The following NOTCH4 variants were observed in gnomAD, a reference collection of about 807,000 sequenced individuals.
NOTCH4 encodes notch receptor 4, also known as neurogenic locus notch homolog protein 4.
In NOTCH4, 138 loss-of-function variants were observed where a neutral mutation model predicts 189.0. The ratio of observed to expected loss-of-function variants is 0.73; its 90% CI spans 0.64 to 0.84. The LOEUF is 0.84. Among genes scored for constraint, NOTCH4 ranks in the 40% least tolerant of loss-of-function variants. The pLI is 0.00. For synonymous variants in NOTCH4, 942 were observed against 1,032.8 expected (o/e 0.91, Z 1.69); for missense variants, 2,286 against 2,605.4 (o/e 0.88, Z 2.67).
Position 32,215,387 on chromosome 6 carries a change from TG to T in NOTCH4, c.1862-3del. 1 of 1,603,668 alleles carries T rather than the reference TG, an allele frequency of 6.2e-7. No homozygotes were observed. Among genetic ancestry groups the T allele is most frequent in the Non-Finnish European group, 8.5e-7 (1 of 1,176,810 alleles). On this transcript the variant is annotated splice_polypyrimidine_tract_variant and splice_region_variant and intron_variant, in intron 11 of 29. Coordinates refer to ENST00000375023, the MANE Select transcript of NOTCH4 (RefSeq NM_004557.4). ...ACAGGGGAACCTCACAGAGCTGGCC[TG>T]GGGTGGGAAGATGGGTCAAAAAGAA...
At chr6:32,205,276 G>A (rs1170854514) in intron 18 of NOTCH4, among the ~76,000 whole-genome samples, 1 of 151,946 alleles carries the variant, frequency 6.6e-6, no homozygotes, top group Non-Finnish European at 1.5e-5. Flanking sequence ...ATAGCCGGGT[G>A]CGGTGGCTCA....
chr6:32,201,455 G>C lies in NOTCH4; in HGVS notation c.3801C>G (p.His1267Gln). The change falls in exon 22 of 30, where the codon CAC becomes CAG. Residue 1267 changes from histidine (H) to glutamine (Q), a missense_variant. Transcript: ENST00000375023. The surrounding 1 kb of genome is among the most constrained non-coding windows in gnomAD (Gnocchi z 5.5). The stretch of plus-strand genomic sequence containing the variant: ...CTGCAGTGTTGCAGCCTTTCTCACA[G>C]TGCCCGTTGTGGAAGTGATCATGGC... ...QYCHDHFHNGHCEKGCNTAEC... is the reference protein window; with the variant it reads ...QYCHDHFHNGQCEKGCNTAEC... 1.3e-5 allele frequency: 20 copies of C among 1,528,112 alleles called. No individual in the cohort carries two copies. Among genetic ancestry groups the C allele is most frequent in the Non-Finnish European group, 1.8e-5 (20 of 1,139,452 alleles). The allele number at this position is 1,528,112 out of a possible 1,614,324, so 94.7% of individuals were successfully genotyped here. A position where few individuals can be genotyped will look rare whatever the true frequency, so the allele number is the denominator to read the frequency against.
rs1789057735 is a variant in NOTCH4, at chr6:32,212,094, G to A, written c.2680+380C>T. 6.6e-6 allele frequency among the ~76,000 whole-genome samples: 1 copy of A among 152,066 alleles called. No individual in the cohort carries two copies. Among genetic ancestry groups the A allele is most frequent in the Non-Finnish European group, 1.5e-5 (1 of 68,022 alleles). The stretch of plus-strand genomic sequence containing the variant: ...TTTACAAAGAGGGTGGCGTGACATC[G>A]AAGTGAGTGGGGTGGGGTGAAATGC... On this transcript the variant is annotated intron_variant, in intron 17 of 29. Transcript: ENST00000375023. This position sits in a 1 kb window ranked among gnomAD's most constrained non-coding sequence, Gnocchi z 4.4.
chr6:32,214,484 T>TATATATATATATATATATACAC lies in NOTCH4; in HGVS notation c.2022-230_2022-229insGTGTATATATATATATATATAT, dbSNP rs28383875. On this transcript the variant is annotated intron_variant, in intron 12 of 29. Transcript: ENST00000375023. The stretch of plus-strand genomic sequence containing the variant: ...AGTTGGAGATATATATATATATATA[T>TATATATATATATATATATACAC]ACACACATATATATTCTTTCTGTAA... 8.5e-5 allele frequency among the ~76,000 whole-genome samples: 12 copies of TATATATATATATATATATACAC among 141,268 alleles called. No homozygotes were observed. In the East Asian group the frequency reaches 1.6e-3, roughly 19 times the overall value. 92.7% of individuals were successfully genotyped at this position (141,268 alleles called of 152,430 possible). A position where few individuals can be genotyped will look rare whatever the true frequency, so the allele number is the denominator to read the frequency against.
chr6:32,207,297 G>T (rs1367905467), intron 18 of NOTCH4, among the ~76,000 whole-genome samples: 1 of 151,854 alleles, frequency 6.6e-6, no homozygotes, highest in Admixed American at 6.6e-5. Context: ...TCAATAAATT[G>T]TGCTGGGAAA....
intron 28 of NOTCH4, 95 bp downstream of exon 28, chr6:32,196,830 G>A: frequency 6.8e-7 from 1 of 1,461,274 alleles, no homozygotes; most frequent in Non-Finnish European, 9.4e-7. Context: ...AGGATGAGAG[G>A]GAATGCCCCT....
Position 32,220,150 on chromosome 6 carries a change from C to A in NOTCH4, c.1294G>T (p.Asp432Tyr), listed in dbSNP as rs1490411434. 1 of 1,613,776 alleles carries A rather than the reference C, an allele frequency of 6.2e-7. No homozygotes were observed. ...TCACCCATCAGACACTCGTCCAGGT[C>A]CTGGTGGCAGGTGGGCCCCGAATAG... Reference protein sequence around the residue: ...PGYSGPTCHQDLDECLMAQQG... With the variant: ...PGYSGPTCHQYLDECLMAQQG... Residue 432 changes from aspartate (D) to tyrosine (Y), a missense_variant, in exon 7 of 30, where the codon GAC becomes TAC. By Grantham distance (160) the Asp-to-Tyr change is radical. Transcript: ENST00000375023.
At chr6:32,204,104 G>A (rs1296501069) in intron 19 of NOTCH4, 33 bp downstream of exon 19, 2 of 1,608,266 alleles carry the variant, frequency 1.2e-6, no homozygotes, top group Non-Finnish European at 1.7e-6. Flanking sequence ...CTGTGCTCCA[G>A]ACACACTTGT....
At chr6:32,196,268 C>CT in intron 29 of NOTCH4, 56 bp downstream of exon 29, 1 of 1,612,994 alleles carries the variant, frequency 6.2e-7, no homozygotes. Context: ...GGTTACCGCA[C>CT]TTTCCATCTC....
At position 32,219,655 on chromosome 6, in the gene NOTCH4, G is replaced by C. The variant is rs754099149; in HGVS notation, c.1447C>G (p.Pro483Ala). ...EADHNECLSQPCHPGSTCLDL... is the reference protein window; with the variant it reads ...EADHNECLSQACHPGSTCLDL... ...AGACAGGTGCTTCCTGGGTGGCAGG[G>C]CTGGGAGAGGCACTCATTGTGATCA... The change falls in exon 8 of 30, where the codon CCC (proline) becomes GCC (alanine). Residue 483 changes from proline to alanine, a missense_variant. Pro to Ala is a conservative substitution (Grantham distance 27). Transcript: ENST00000375023. The C allele has an allele frequency of 6.2e-7, 1 of 1,613,080 alleles. No homozygotes were observed. The highest frequency in any genetic ancestry group is 8.5e-7 in the Non-Finnish European group (1 of 1,180,020).
At position 32,204,145 on chromosome 6, in the gene NOTCH4, C is replaced by T; in HGVS notation, c.3110G>A (p.Gly1037Glu). 1 of 1,612,652 alleles carries T rather than the reference C, an allele frequency of 6.2e-7. No individual in the cohort carries two copies. The highest frequency in any genetic ancestry group is 8.5e-7 in the Non-Finnish European group (1 of 1,179,960). ...TTGTCTTGGGGCCTCACCTGTGTGT[C>T]CAGGCAGACACTGGCAGTAGAAGGC... is the stretch of plus-strand genomic sequence containing the variant. ...ANAFYCQCLP[G>E]HTGQWCEVEI... The change falls in exon 19 of 30, where the codon GGA becomes GAA. Residue 1037 changes from glycine to glutamate, a missense_variant. Gly to Glu is a moderately conservative substitution (Grantham distance 98, BLOSUM62 -2). Coordinates refer to ENST00000375023, the MANE Select transcript of NOTCH4 (RefSeq NM_004557.4).
At position 32,202,040 on chromosome 6, in the gene NOTCH4, C is replaced by G. The variant is rs8192570; in HGVS notation, c.3755+36G>C. 3.9e-4 allele frequency: 559 copies of G among 1,432,208 alleles called. 1 individual carries two copies. Among genetic ancestry groups the G allele is most frequent in the South Asian group, 2.2e-3 (124 of 55,426 alleles). 88.7% of individuals were successfully genotyped at this position (1,432,208 alleles called of 1,614,324 possible). ...TCCTTCCTCCTCCTCTCACCCACCC[C>G]TCTCCTTCCCTGGCTCCAGTGGATT... On this transcript the variant is annotated intron_variant, in intron 21 of 29. Transcript: ENST00000375023. This position sits in a 1 kb window ranked among gnomAD's most constrained non-coding sequence, Gnocchi z 5.7.
In NOTCH4 at chr6:32,195,307, A is replaced by C. The variant is rs759565461; in HGVS notation, c.*130T>G. ...AAGATGTCTGCTCTGGTGGGCATAC[A>C]TTCATTTTAGGAGAGAAACTAAACT... On this transcript the variant is annotated 3_prime_UTR_variant, in exon 30 of 30. Transcript: ENST00000375023. The surrounding 1 kb of genome is among the most constrained non-coding windows in gnomAD (Gnocchi z 5.4). The C allele has an allele frequency of 1.8e-5, 15 of 855,510 alleles. No individual in the cohort carries two copies. Among genetic ancestry groups the C allele is most frequent in the Non-Finnish European group, 2.6e-5 (15 of 568,512 alleles). The allele number at this position is 855,510 out of a possible 1,614,324, so 53.0% of individuals were successfully genotyped here. A position where few individuals can be genotyped will look rare whatever the true frequency, so the allele number is the denominator to read the frequency against.
chr6:32,201,622 T>G lies in NOTCH4; in HGVS notation c.3756-122A>C. On this transcript the variant is annotated intron_variant, in intron 21 of 29. Coordinates refer to ENST00000375023, the MANE Select transcript of NOTCH4 (RefSeq NM_004557.4). The surrounding 1 kb of genome is among the most constrained non-coding windows in gnomAD (Gnocchi z 5.5). ...TTTGGTTGCTAAGTGGGGGCAGCTG[T>G]GGAGCAATGAGCTTAGTCAAGTCCT... 1.1e-6 allele frequency: 1 copy of G among 942,570 alleles called. No individual in the cohort carries two copies. The highest frequency in any genetic ancestry group is 2.7e-5 in the South Asian group (1 of 36,646). The allele number at this position is 942,570 out of a possible 1,614,324, so 58.4% of individuals were successfully genotyped here.
At chr6:32,204,515 A>G (rs1788556629) in intron 18 of NOTCH4, 126 bp from the exon 19 acceptor site, 2 of 1,014,608 alleles carry the variant, frequency 2.0e-6, no homozygotes, top group South Asian at 3.2e-5. Flanking sequence ...TCAACTCACC[A>G]TCCATCATGG....
At position 32,214,182 on chromosome 6, in the gene NOTCH4, G is replaced by T; in HGVS notation, c.2095C>A (p.Pro699Thr). Residue 699 changes from proline (P) to threonine (T), a missense_variant, in exon 13 of 30, where the codon CCC (proline) becomes ACC (threonine). This residue lies in a region of NOTCH4 where 1,903 missense variants were observed against 2,261.9 expected (regional missense o/e 0.84). Transcript: ENST00000375023. ...EAELGGCISA[P>T]CAHGGTCYPQ... ...TAGCAGGTCCCCCCATGGGCACAGG[G>T]TGCAGAGATGCAGCCCCCTAGCTCT... 2 of 1,613,598 alleles carry T rather than the reference G, an allele frequency of 1.2e-6. No individual in the cohort carries two copies. The highest frequency in any genetic ancestry group is 1.1e-5 in the South Asian group (1 of 91,064).
In NOTCH4 at chr6:32,200,215, C is replaced by CT. The variant is rs9281670; in HGVS notation, c.4315+615dup. Among the ~76,000 whole-genome samples, 43,713 of 144,332 alleles carry CT rather than the reference C, an allele frequency of 0.3. 6,795 individuals carry two copies. The highest frequency in any genetic ancestry group is 0.43 in the South Asian group (1,953 of 4,528). The allele number at this position is 144,332 out of a possible 152,430, so 94.7% of individuals were successfully genotyped here. ...AAAGTACGATATAGCAGTTATTTTT[C>CT]TTTTTTTTTTTTTGAGATGGAGTCT... On this transcript the variant is annotated intron_variant, in intron 23 of 29. Coordinates refer to ENST00000375023, the MANE Select transcript of NOTCH4 (RefSeq NM_004557.4). The surrounding 1 kb of genome is among the most constrained non-coding windows in gnomAD (Gnocchi z 5.0).
Position 32,202,571 on chromosome 6 carries a change from C to A in NOTCH4, c.3260G>T (p.Arg1087Met). The change falls in exon 21 of 30, where the codon AGG becomes ATG. Residue 1087 changes from arginine to methionine, a missense_variant. Physicochemically the swap from Arg to Met is moderately conservative, Grantham distance 91. Coordinates refer to ENST00000375023, the MANE Select transcript of NOTCH4 (RefSeq NM_004557.4). This position sits in a 1 kb window ranked among gnomAD's most constrained non-coding sequence, Gnocchi z 5.7. ...KGFEGPTCSH[R>M]APSCGFHHCH... is the part of the protein sequence containing the mutation. ...GTGATGGAAGCCGCAGGAAGGGGCCCTGTGGCTGCAGGTGGGGCCTTCAAA... is the reference window on the plus strand; with the variant it reads ...GTGATGGAAGCCGCAGGAAGGGGCCATGTGGCTGCAGGTGGGGCCTTCAAA... 1.3e-6 allele frequency: 2 copies of A among 1,596,482 alleles called. No individual in the cohort carries two copies. The highest frequency in any genetic ancestry group is 1.7e-6 in the Non-Finnish European group (2 of 1,167,342).
Position 32,196,999 on chromosome 6 carries a change from GC to G in NOTCH4, c.5125del (p.Ala1709ProfsTer12), listed in dbSNP as rs1202614186. The G allele has an allele frequency of 1.9e-6, 3 of 1,612,950 alleles. No homozygotes were observed. In the African/African-American group the frequency reaches 4.0e-5, roughly 22 times the overall value. The part of the protein sequence containing the change: ...EDGTTPLMLA[A>X]RLAVEDLVEE... ...AACCAGGTCTTCCACCGCCAGCCTGGCAGCCAGCATCAAGGGTGTGGTCCCG... is the reference window on the plus strand; with the variant it reads ...AACCAGGTCTTCCACCGCCAGCCTGGAGCCAGCATCAAGGGTGTGGTCCCG... On this transcript the variant is annotated frameshift_variant, in exon 28 of 30. Transcript: ENST00000375023. LOFTEE classifies it high-confidence loss of function.
Sources: allele counts gnomAD v4.1 joint callset (sites outside exome capture counted in the v4.1 genomes callset), GRCh38; gene constraint gnomAD v4.1.1; regional missense constraint gnomAD v4.1.1; non-coding constraint Gnocchi (gnomAD v3.1); transcripts MANE v1.5; gene names NCBI Gene and HGNC (gene_info 2026-07-23, HGNC 2026-07-21).